KCND3: variants seen among roughly 807,000 people sequenced by gnomAD.
KCND3 encodes A-type voltage-gated potassium channel KCND3.
Under a neutral mutation model 51.1 loss-of-function variants are expected in KCND3, and 9 were observed. The ratio of observed to expected loss-of-function variants is 0.18; its 90% CI spans 0.11 to 0.31. KCND3 has a LOEUF of 0.31. Ranked by LOEUF, KCND3 falls within the 10% of genes least tolerant of loss-of-function variation. The pLI, the probability that KCND3 is intolerant of heterozygous loss-of-function variation, is 1.00. For missense variants in KCND3, 526 were observed against 903.8 expected (o/e 0.58, Z 5.36); for synonymous variants, 349 against 368.0 (o/e 0.95, Z 0.59).
At position 111,982,353 on chromosome 1, in the gene KCND3, G is replaced by C; in HGVS notation, c.374C>G (p.Pro125Arg). The C allele has an allele frequency of 1.9e-6, 3 of 1,614,186 alleles. No individual in the cohort carries two copies. The highest frequency in any genetic ancestry group is 2.5e-6 in the Non-Finnish European group (3 of 1,180,042). Residue 125 changes from proline (P) to arginine (R), a missense_variant, in exon 2 of 8, where the codon CCG becomes CGG. This residue lies in a region of KCND3 where 159 missense variants were observed against 262.8 expected (regional missense o/e 0.61). Transcript: ENST00000302127. The surrounding 1 kb of genome is among the most constrained non-coding windows in gnomAD (Gnocchi z 8.5). ...GTAGCAGCAGTCCCCGATGATCTCC[G>C]GGAGGATGCCGTAGAAGGCCAGCTC... is the stretch of plus-strand genomic sequence containing the variant. ...DDELAFYGIL[P>R]EIIGDCCYEE...
At chr1:111,881,075 G>A (rs549446988) in intron 2 of KCND3, among the ~76,000 whole-genome samples, 14 of 152,120 alleles carry the variant, frequency 9.2e-5, no homozygotes, top group Non-Finnish European at 2.1e-4. Flanking sequence ...TCCCAGCCTG[G>A]AAGCCTTGCA....
intron 2 of KCND3, among the ~76,000 whole-genome samples, chr1:111,938,577 T>C (rs537075759): frequency 1.3e-5 from 2 of 152,128 alleles, no homozygotes; most frequent in South Asian, 4.1e-4. Flanking sequence ...ATGCAAATTT[T>C]ATCTAGGGTG....
chr1:111,879,747 T>C (rs554083205), intron 2 of KCND3, among the ~76,000 whole-genome samples: 1 of 152,360 alleles, frequency 6.6e-6, no homozygotes, highest in East Asian at 1.9e-4. Flanking sequence ...CACTTATCTA[T>C]TCCAGTGTTG....
intron 2 of KCND3, among the ~76,000 whole-genome samples, chr1:111,935,731 AG>A (rs968711306): frequency 1.4e-4 from 21 of 152,142 alleles, no homozygotes; most frequent in Admixed American, 1.1e-3. Context: ...CTGCAAATTG[AG>A]GGGCAAACTT....
chr1:111,939,688 G>A (rs577174806), intron 2 of KCND3, among the ~76,000 whole-genome samples: 2 of 152,288 alleles, frequency 1.3e-5, no homozygotes, highest in Admixed American at 1.3e-4. Flanking sequence ...ATAAACATAC[G>A]TGTGCATGTG....
Position 111,777,132 on chromosome 1 carries a change from T to A in KCND3, c.1660A>T (p.Thr554Ser). The change falls in exon 7 of 8, where the codon ACC (threonine) becomes TCC (serine). Residue 554 changes from threonine (T) to serine (S), a missense_variant. Transcript: ENST00000302127. Reference sequence around the variant, plus strand: ...AGGTTAGAATTGGGCAGGTGTGTGGTCTTCTTACTACGACGGGAGCAGCAG... The same window carrying A: ...AGGTTAGAATTGGGCAGGTGTGTGGACTTCTTACTACGACGGGAGCAGCAG... The part of the protein sequence containing the change: ...TTCCSRRSKK[T>S]THLPNSNLPA... The A allele has an allele frequency of 6.2e-7, 1 of 1,614,116 alleles. No individual in the cohort carries two copies. Among genetic ancestry groups the A allele is most frequent in the Non-Finnish European group, 8.5e-7 (1 of 1,180,008 alleles).
chr1:111,803,774 C>G (rs1006755177), intron 2 of KCND3, among the ~76,000 whole-genome samples: 5 of 152,052 alleles, frequency 3.3e-5, no homozygotes, highest in African/African-American at 1.2e-4. Context: ...ACCACCCTCT[C>G]CGGTTTTGTA....
At chr1:111,961,012 A>C (rs977696307) in intron 2 of KCND3, among the ~76,000 whole-genome samples, 1 of 152,116 alleles carries the variant, frequency 6.6e-6, no homozygotes, top group African/African-American at 2.4e-5. Flanking sequence ...GGGCCTAGAT[A>C]GGGGTAGCCT....
intron 2 of KCND3, among the ~76,000 whole-genome samples, chr1:111,829,091 G>T (rs6677072): frequency 0.017 from 2,608 of 152,340 alleles, 35 homozygotes; most frequent in Non-Finnish European, 0.026. Context: ...AAGAGAGAAA[G>T]TCATGTGAGC....
At chr1:111,789,060 G>A (rs920889463) in intron 2 of KCND3, among the ~76,000 whole-genome samples, 2 of 152,222 alleles carry the variant, frequency 1.3e-5, no homozygotes, top group Admixed American at 6.5e-5. Context: ...ATTTTCAGAT[G>A]ACACAACTGA....
rs35574221 is a variant in KCND3 at position 111,915,752 on chromosome 1, C to CAAAAA, written c.1106+65864_1106+65868dup. Among the ~76,000 whole-genome samples the CAAAAA allele has an allele frequency of 6.4e-4, 43 of 67,284 alleles. 1 individual carries two copies. Among genetic ancestry groups the CAAAAA allele is most frequent in the Non-Finnish European group, 8.8e-4 (32 of 36,264 alleles). The allele number at this position is 67,284 out of a possible 152,430, so 44.1% of individuals were successfully genotyped here. On this transcript the variant is annotated intron_variant, in intron 2 of 7. Coordinates refer to ENST00000302127, the MANE Select transcript of KCND3 (RefSeq NM_001378969.1). ...TGGGTGACAAAGTGAGACTCTGTCT[C>CAAAAA]AAAAAAAAAAAAACAAAAAAAAAAA...
intron 2 of KCND3, among the ~76,000 whole-genome samples, chr1:111,930,477 T>C (rs1278676130): frequency 6.6e-6 from 1 of 152,220 alleles, no homozygotes; most frequent in Non-Finnish European, 1.5e-5. Flanking sequence ...GATAACTGAA[T>C]CAGTGTCTGA....
Position 111,780,229 on chromosome 1 carries a change from G to GT in KCND3, c.1456dup (p.Thr486AsnfsTer10). On this transcript the variant is annotated frameshift_variant, in exon 5 of 8. Coordinates refer to ENST00000302127, the MANE Select transcript of KCND3 (RefSeq NM_001378969.1). LOFTEE classifies it high-confidence loss of function. The surrounding 1 kb of genome is among the most constrained non-coding windows in gnomAD (Gnocchi z 4.2). ...TGGCAAAGGGCTGGGACTCACAGTG[G>GT]TTTTTTCCAGGCAGTGCAGCAGGTG... The GT allele has an allele frequency of 6.3e-7, 1 of 1,584,768 alleles. No individual in the cohort carries two copies. The highest frequency in any genetic ancestry group is 1.8e-5 in the Admixed American group (1 of 55,858).
At chr1:111,896,310 C>T (rs536798807) in intron 2 of KCND3, among the ~76,000 whole-genome samples, 1 of 152,328 alleles carries the variant, frequency 6.6e-6, no homozygotes, top group African/African-American at 2.4e-5. Context: ...AGGGGACTGA[C>T]CCCCTATTCC....
intron 2 of KCND3, among the ~76,000 whole-genome samples, chr1:111,817,574 T>C (rs1666157053): frequency 6.6e-6 from 1 of 152,290 alleles, no homozygotes; most frequent in African/African-American, 2.4e-5. Context: ...AACATGACAA[T>C]GTTAACAGTG....
Position 111,780,153 on chromosome 1 carries a change from A to C in KCND3, c.1461+72T>G. On this transcript the variant is annotated intron_variant, in intron 5 of 7. Transcript: ENST00000302127. The surrounding 1 kb of genome is among the most constrained non-coding windows in gnomAD (Gnocchi z 4.2). ...GACTTTGACTTCTGGCCCAGAGTGA[A>C]GATGTGAGTACAGCCTTAGAAAAGG... 7.2e-7 allele frequency: 1 copy of C among 1,392,198 alleles called. No individual in the cohort carries two copies. The highest frequency in any genetic ancestry group is 1.2e-5 in the South Asian group (1 of 80,854). The allele number at this position is 1,392,198 out of a possible 1,614,324, so 86.2% of individuals were successfully genotyped here. A position where few individuals can be genotyped will look rare whatever the true frequency, so the allele number is the denominator to read the frequency against.
intron 2 of KCND3, among the ~76,000 whole-genome samples, chr1:111,816,888 A>C (rs1434667489): frequency 1.3e-5 from 2 of 152,162 alleles, no homozygotes; most frequent in Non-Finnish European, 2.9e-5. Flanking sequence ...ACTGACACAC[A>C]CTTGGAAGCA....
chr1:111,883,734 C>T (rs1270349530), intron 2 of KCND3, among the ~76,000 whole-genome samples: 2 of 152,220 alleles, frequency 1.3e-5, no homozygotes, highest in Non-Finnish European at 2.9e-5. Context: ...CTTTATGCAT[C>T]CACAGTCCTT....
intron 2 of KCND3, among the ~76,000 whole-genome samples, chr1:111,879,174 G>A (rs1295125946): frequency 1.1e-4 from 16 of 152,060 alleles, no homozygotes; most frequent in Non-Finnish European, 1.8e-4. Context: ...GGACTACTCC[G>A]CCTCCATCAT....
Sources: gnomAD v4.1 joint callset for allele counts (sites outside exome capture counted in the v4.1 genomes callset) on GRCh38, gnomAD v4.1.1 for gene constraint, gnomAD v4.1.1 regional missense constraint, Gnocchi (gnomAD v3.1) non-coding constraint, MANE v1.5 for transcripts, NCBI Gene and HGNC (gene_info 2026-07-23, HGNC 2026-07-21) for gene names.